HEATR3: variants seen among roughly 807,000 people sequenced by gnomAD.
HEATR3 encodes the protein HEAT repeat containing 3.
A neutral mutation model predicts 72.8 loss-of-function variants in HEATR3; 56 were observed. The observed-to-expected ratio is 0.77, with a 90% CI of 0.62 to 0.96. HEATR3 has a LOEUF of 0.96. HEATR3 is among the 40% of genes least tolerant of loss of function. HEATR3 has a pLI of 0.00. For synonymous variants in HEATR3, 331 were observed against 318.1 expected, an observed-to-expected ratio of 1.04 and a Z score of -0.43; for missense variants, 747 against 831.4, an observed-to-expected ratio of 0.90 and a Z score of 1.25.
intron 11 of HEATR3, among the ~76,000 whole-genome samples, chr16:50,093,695 G>A (rs2037170183): frequency 6.6e-6 from 1 of 152,166 alleles, no homozygotes; most frequent in African/African-American, 2.4e-5. Flanking sequence ...CCGAAGTCTT[G>A]TTCACTCACG....
intron 11 of HEATR3, among the ~76,000 whole-genome samples, chr16:50,092,196 C>T (rs999713647): frequency 9.4e-5 from 14 of 149,488 alleles, no homozygotes; most frequent in South Asian, 8.5e-4. Context: ...ATTAGCTGGA[C>T]GTGGTGGCAC....
chr16:50,069,087 A>G (rs1415998147), intron 3 of HEATR3, among the ~76,000 whole-genome samples: 1 of 152,194 alleles, frequency 6.6e-6, no homozygotes, highest in East Asian at 1.9e-4. Flanking sequence ...CTAAAATTGT[A>G]CAGACTCACT....
At chr16:50,067,709 G>A (rs2036530072) in intron 2 of HEATR3, among the ~76,000 whole-genome samples, 1 of 152,210 alleles carries the variant, frequency 6.6e-6, no homozygotes, top group Non-Finnish European at 1.5e-5. Flanking sequence ...GGCAAGAGTA[G>A]AGGTTAGTAT....
intron 10 of HEATR3, among the ~76,000 whole-genome samples, chr16:50,085,888 G>A (rs1042641409): frequency 7.9e-5 from 12 of 151,954 alleles, no homozygotes; most frequent in Non-Finnish European, 1.8e-4. Context: ...ACTTAGCCAG[G>A]TGTGGTTGCA....
At chr16:50,091,866 T>A (rs1260169876) in intron 11 of HEATR3, among the ~76,000 whole-genome samples, 1 of 144,850 alleles carries the variant, frequency 6.9e-6, no homozygotes, top group Non-Finnish European at 1.5e-5. Context: ...AGAGCGAGAC[T>A]CTGTCTCAAA....
chr16:50,087,175 T>C (rs2037006581), intron 11 of HEATR3, among the ~76,000 whole-genome samples: 1 of 152,084 alleles, frequency 6.6e-6, no homozygotes, highest in South Asian at 2.1e-4. Context: ...TATGCGGGCA[T>C]GCGTGCGTGT....
intron 11 of HEATR3, among the ~76,000 whole-genome samples, chr16:50,093,403 G>T (rs186403010): frequency 2.7e-4 from 41 of 152,274 alleles, no homozygotes; most frequent in African/African-American, 9.4e-4. Context: ...ACAATGTCTA[G>T]GCCAGTGGTT....
At chr16:50,094,667 G>T (rs1184733168) in intron 11 of HEATR3, 38 bp from the exon 12 acceptor site, 1 of 1,278,150 alleles carries the variant, frequency 7.8e-7, no homozygotes, top group Non-Finnish European at 1.1e-6. Flanking sequence ...GCCTATCTTG[G>T]AGAAATGCAA....
chr16:50,084,062 T>C (rs1263696535), intron 8 of HEATR3, 35 bp downstream of exon 8: 2 of 1,613,792 alleles, frequency 1.2e-6, no homozygotes, highest in Non-Finnish European at 1.7e-6. Context: ...ATTTTCCCCC[T>C]GAGCCAAGAG....
chr16:50,101,385 G>A (rs956071153), intron 13 of HEATR3, among the ~76,000 whole-genome samples: 1 of 151,788 alleles, frequency 6.6e-6, no homozygotes. Flanking sequence ...CAGAGTGCTG[G>A]GATTACAGGC....
At chr16:50,104,780 A>C (rs970627223) in intron 14 of HEATR3, among the ~76,000 whole-genome samples, 159 bp from the exon 15 acceptor site, 1 of 152,198 alleles carries the variant, frequency 6.6e-6, no homozygotes, top group Non-Finnish European at 1.5e-5. Flanking sequence ...TTCTTTACTT[A>C]CCGAGTTCCA....
intron 7 of HEATR3, among the ~76,000 whole-genome samples, chr16:50,081,886 G>A (rs1036913945): frequency 2.6e-5 from 4 of 152,242 alleles, no homozygotes; most frequent in Non-Finnish European, 5.9e-5. Flanking sequence ...TTCCCGTCAC[G>A]CTGTCTTTTC....
intron 2 of HEATR3, 125 bp from the exon 3 acceptor site, chr16:50,068,655 A>G (rs2036549078): frequency 2.7e-6 from 2 of 730,550 alleles, no homozygotes; most frequent in Non-Finnish European, 4.8e-6. Flanking sequence ...GCAGCGTATG[A>G]CAGAAACAAT....
intron 12 of HEATR3, chr16:50,098,277 G>A (rs1008815418): frequency 2.0e-5 from 3 of 152,048 alleles, no homozygotes; most frequent in African/African-American, 7.2e-5. Context: ...TGGTCTGATG[G>A]TAGTGGGTTA....
chr16:50,084,880 A>G (rs2036954251), intron 10 of HEATR3, among the ~76,000 whole-genome samples: 1 of 152,176 alleles, frequency 6.6e-6, no homozygotes, highest in African/African-American at 2.4e-5. Flanking sequence ...TGTCCATCAG[A>G]GTTAGAATGG....
At position 50,102,255 on chromosome 16, in the gene HEATR3, C is replaced by A; in HGVS notation, c.1744-4C>A. The A allele has an allele frequency of 6.2e-7, 1 of 1,608,840 alleles. No homozygotes were observed. The highest frequency in any genetic ancestry group is 8.5e-7 in the Non-Finnish European group (1 of 1,178,464). The stretch of plus-strand genomic sequence containing the variant: ...TCATACTAAATGTGTTTTGTTGTTT[C>A]CAGAACATTGGGTGCTTTCTGCTTG... On this transcript the variant is annotated splice_polypyrimidine_tract_variant and splice_region_variant and intron_variant, in intron 13 of 14. Transcript: ENST00000299192.
Position 50,066,251 on chromosome 16 carries a change from G to T in HEATR3, c.120G>T (p.Ala40=). 6.4e-7 allele frequency: 1 copy of T among 1,563,730 alleles called. No individual in the cohort carries two copies. The highest frequency in any genetic ancestry group is 1.4e-5 in the African/African-American group (1 of 72,928). The part of the protein sequence containing the change: ...GTGGEEDDGP[A]AELLEKLQHP... ...GAGGCGAGGAGGACGACGGGCCGGC[G>T]GCGGAGCTGCTGGAAAAGGTGAGGC... Residue 40 remains alanine (A), a synonymous_variant, in exon 1 of 15, where the codon GCG becomes GCT. Transcript: ENST00000299192.
Position 50,075,566 on chromosome 16 carries a change from C to G in HEATR3, c.623-5C>G, listed in dbSNP as rs1031795300. On this transcript the variant is annotated splice_region_variant and splice_polypyrimidine_tract_variant and intron_variant, in intron 5 of 14. Coordinates refer to ENST00000299192, the MANE Select transcript of HEATR3 (RefSeq NM_182922.4). ...GTTTCTAAATACTTATTTTTTGCCT[C>G]GTAGCATATTGTTTGCAGACAGTGA... 1.2e-6 allele frequency: 2 copies of G among 1,608,460 alleles called. No individual in the cohort carries two copies. The highest frequency in any genetic ancestry group is 2.2e-5 in the East Asian group (1 of 44,764).
At position 50,085,279 on chromosome 16, in the gene HEATR3, ACT is replaced by A. The variant is rs1184316602; in HGVS notation, c.1373+633_1373+634del. On this transcript the variant is annotated intron_variant, in intron 10 of 14. Transcript: ENST00000299192. The stretch of plus-strand genomic sequence containing the variant: ...TTTGGTTTCATAGACTGTTTGTTAA[ACT>A]CTCTATGTATGTTGTGTACTTAACT... 3.3e-5 allele frequency among the ~76,000 whole-genome samples: 5 copies of A among 151,934 alleles called. No individual in the cohort carries two copies. The East Asian group carries it at 9.7e-4, about 29-fold the overall frequency.
Sources: allele counts gnomAD v4.1 joint callset (sites outside exome capture counted in the v4.1 genomes callset), GRCh38; gene constraint gnomAD v4.1.1; transcripts MANE v1.5; gene names NCBI Gene and HGNC (gene_info 2026-07-23, HGNC 2026-07-21).